Variants in GRID2 observed in about 807,000 individuals in gnomAD.
GRID2 encodes the protein glutamate receptor ionotropic, delta-2.
GRID2 carries 33 observed loss-of-function variants against 114.8 expected under a neutral mutation model. The observed-to-expected ratio is 0.29, with a 90% confidence interval of 0.22 to 0.38. The LOEUF (loss-of-function observed/expected upper bound fraction) is 0.38. Ranked by LOEUF, GRID2 falls within the 10% of genes least tolerant of loss-of-function variation. The probability of loss-of-function intolerance (pLI) is 1.00; values close to 1 mark genes in which losing one functional copy is unlikely to be tolerated. For synonymous variants in GRID2, 505 were observed against 449.9 expected (o/e 1.12, Z -1.55); for missense variants, 1,184 against 1,257.7 (o/e 0.94, Z 0.89).
At chr4:93,080,798 G>A (rs1221317973) in intron 2 of GRID2, among the ~76,000 whole-genome samples, 1 of 152,128 alleles carries the variant, frequency 6.6e-6, no homozygotes, top group African/African-American at 2.4e-5. Context: ...TTGAGACTGG[G>A]TAATTTATAA....
intron 13 of GRID2, among the ~76,000 whole-genome samples, chr4:93,535,231 T>TACACACACACAC (rs141785727): frequency 9.8e-5 from 14 of 142,278 alleles, no homozygotes; most frequent in Admixed American, 2.1e-4. Context: ...CACATACACA[T>TACACACACACAC]ACACACACAC....
intron 2 of GRID2, among the ~76,000 whole-genome samples, chr4:92,631,033 A>T (rs532900544): frequency 2.6e-5 from 4 of 151,980 alleles, no homozygotes; most frequent in South Asian, 4.1e-4. Flanking sequence ...AAAGAAAAAA[A>T]CAAGAGATCT....
chr4:93,660,063 T>C (rs6819773), intron 14 of GRID2, among the ~76,000 whole-genome samples: 1 of 151,724 alleles, frequency 6.6e-6, no homozygotes, highest in Non-Finnish European at 1.5e-5. Context: ...AAAAAAAAAA[T>C]TTTTATAGAA....
chr4:92,722,414 C>T (rs1735853326), intron 2 of GRID2, among the ~76,000 whole-genome samples: 3 of 152,008 alleles, frequency 2.0e-5, no homozygotes, highest in Admixed American at 2.0e-4. Flanking sequence ...AAATAAAATG[C>T]CCTAGAATTT....
intron 2 of GRID2, among the ~76,000 whole-genome samples, chr4:92,881,027 C>T (rs997288932): frequency 5.9e-5 from 9 of 152,088 alleles, no homozygotes; most frequent in African/African-American, 1.2e-4. Flanking sequence ...CTCAGCCTCC[C>T]GAGTAGCTGA....
At chr4:92,688,034 C>CTTT (rs1404806784) in intron 2 of GRID2, among the ~76,000 whole-genome samples, 2 of 48,888 alleles carry the variant, frequency 4.1e-5, no homozygotes, top group East Asian at 1.6e-3. Flanking sequence ...GACCCTTCTT[C>CTTT]TTCTTTTTTT....
intron 7 of GRID2, 117 bp from the exon 8 acceptor site, chr4:93,238,254 G>T (rs1214828634): frequency 3.1e-6 from 2 of 636,238 alleles, no homozygotes; most frequent in African/African-American, 1.9e-5. Context: ...GTTAAAAATT[G>T]CTTACTTTAA....
chr4:93,077,019 G>T (rs994484357), intron 2 of GRID2, among the ~76,000 whole-genome samples: 2 of 152,128 alleles, frequency 1.3e-5, no homozygotes, highest in Admixed American at 6.5e-5. Flanking sequence ...ACATGGGAAT[G>T]ACATAATGCG....
intron 3 of GRID2, among the ~76,000 whole-genome samples, chr4:93,107,958 A>T (rs773575662): frequency 1.1e-4 from 17 of 152,152 alleles, no homozygotes; most frequent in Admixed American, 3.9e-4. Context: ...TGTCTCACAG[A>T]GATCTACATA....
intron 8 of GRID2, among the ~76,000 whole-genome samples, chr4:93,382,450 A>G (rs1763943954): frequency 6.6e-6 from 1 of 151,738 alleles, no homozygotes; most frequent in African/African-American, 2.4e-5. Context: ...CCTTGGATTG[A>G]TAATTCCCAT....
chr4:93,623,694 C>G (rs1040705186), intron 13 of GRID2, among the ~76,000 whole-genome samples: 2 of 152,126 alleles, frequency 1.3e-5, no homozygotes, highest in African/African-American at 4.8e-5. Context: ...CTTTTAAAAA[C>G]AGTAAACTTT....
rs1165757553 is a variant in GRID2 at position 92,686,355 on chromosome 4, T to C, written c.244+96069T>C. ...AAAATTTTAAATGCTATTTCTGTTA[T>C]GTGGGAATTTTCTAGTTTTTTGGAT... is the stretch of plus-strand genomic sequence containing the variant. On this transcript the variant is annotated intron_variant, in intron 2 of 15. Coordinates refer to ENST00000282020, the MANE Select transcript of GRID2 (RefSeq NM_001510.4). Among the ~76,000 whole-genome samples, 5 of 152,110 alleles carry C rather than the reference T, an allele frequency of 3.3e-5. No individual in the cohort carries two copies. In the East Asian group the frequency reaches 7.7e-4, roughly 23 times the overall value.
At position 93,437,477 on chromosome 4, in the gene GRID2, T is replaced by A. The variant is rs546615248; in HGVS notation, c.1545+14509T>A. On this transcript the variant is annotated intron_variant, in intron 10 of 15. Transcript: ENST00000282020. ...CAAACAGTTCAGAGCTGTTTTTTTTTAAACCTGCATATTTGAAGAAGGTTC... is the reference window on the plus strand; with the variant it reads ...CAAACAGTTCAGAGCTGTTTTTTTTAAAACCTGCATATTTGAAGAAGGTTC... Among the ~76,000 whole-genome samples the A allele has an allele frequency of 1.4e-4, 21 of 152,214 alleles. No homozygotes were observed. In the East Asian group the frequency reaches 3.9e-3, roughly 28 times the overall value.
intron 14 of GRID2, among the ~76,000 whole-genome samples, chr4:93,750,560 G>A (rs1433667107): frequency 1.3e-5 from 2 of 152,094 alleles, no homozygotes; most frequent in Non-Finnish European, 2.9e-5. Flanking sequence ...ACAAGGTCAG[G>A]AGATCAAGAC....
chr4:92,744,382 G>A (rs902924958), intron 2 of GRID2, among the ~76,000 whole-genome samples: 11 of 151,762 alleles, frequency 7.2e-5, no homozygotes, highest in African/African-American at 2.7e-4. Flanking sequence ...TAGCTACTCG[G>A]GAGACTGAGG....
intron 2 of GRID2, among the ~76,000 whole-genome samples, chr4:92,652,811 A>G (rs969570132): frequency 1.4e-5 from 2 of 138,500 alleles, no homozygotes; most frequent in Non-Finnish European, 3.1e-5. Context: ...AAAAAAATAT[A>G]TATATATATA....
At chr4:93,600,724 A>C (rs1163941209) in intron 13 of GRID2, among the ~76,000 whole-genome samples, 1 of 152,184 alleles carries the variant, frequency 6.6e-6, no homozygotes, top group African/African-American at 2.4e-5. Flanking sequence ...TATTTACCTA[A>C]AAGAGAGGAA....
chr4:93,455,836 G>T lies in GRID2; in HGVS notation c.1720G>T (p.Ala574Ser), dbSNP rs1207279195. 9.3e-6 allele frequency: 15 copies of T among 1,613,148 alleles called. No individual in the cohort carries two copies. Among genetic ancestry groups the T allele is most frequent in the Non-Finnish European group, 1.3e-5 (15 of 1,179,276 alleles). The stretch of plus-strand genomic sequence containing the variant: ...TGATCTCTCTCTATGGGCTTGCATT[G>T]CTGGCACAGTCCTTCTGGTGGGTCT... ...PFDLSLWACI[A>S]GTVLLVGLLV... The change falls in exon 11 of 16, where the codon GCT (alanine) becomes TCT (serine). Residue 574 changes from alanine to serine, a missense_variant. Ala to Ser is a moderately conservative substitution (Grantham distance 99, BLOSUM62 1). Around this residue, in one of 3 missense-constraint regions of GRID2, gnomAD observed 717 missense variants for 796.9 expected, o/e 0.90. Transcript: ENST00000282020.
chr4:92,525,306 G>A (rs556938840), intron 1 of GRID2, among the ~76,000 whole-genome samples: 106 of 152,134 alleles, frequency 7.0e-4, no homozygotes, highest in African/African-American at 2.3e-3. Context: ...GGACATAAGC[G>A]TTAGAATAAG....
Sources: allele counts gnomAD v4.1 joint callset (sites outside exome capture counted in the v4.1 genomes callset), GRCh38; gene constraint gnomAD v4.1.1; regional missense constraint gnomAD v4.1.1; transcripts MANE v1.5; gene names NCBI Gene and HGNC (gene_info 2026-07-23, HGNC 2026-07-21).